PAX6: variants seen among roughly 807,000 people sequenced by gnomAD.
PAX6 encodes the protein paired box 6.
A neutral mutation model predicts 60.7 loss-of-function variants in PAX6; 7 were observed. The ratio of observed to expected loss-of-function variants is 0.12; its 90% CI spans 0.07 to 0.22. PAX6 has a LOEUF of 0.22. PAX6 is among the 10% of genes least tolerant of loss of function. The pLI, the probability that PAX6 is intolerant of heterozygous loss-of-function variation, is 1.00. For missense variants in PAX6, 355 were observed against 555.2 expected, an observed-to-expected ratio of 0.64 and a Z score of 3.62; for synonymous variants, 208 against 201.2, an observed-to-expected ratio of 1.03 and a Z score of -0.29.
chr11:31,800,779 T>C lies in PAX6; in HGVS notation c.477A>G (p.Lys159=). Residue 159 remains lysine (K), a synonymous_variant, in exon 8 of 14, where the codon AAA becomes AAG. Coordinates refer to ENST00000640368, the MANE Select transcript of PAX6 (RefSeq NM_001368894.2). ...QQMGADGMYD[K]LRMLNGQTGS... ...CGGTCTGCCCGTTCAACATCCTTAG[T>C]TTATCATACATGCCGTCTGCGCCCA... 6.2e-7 allele frequency: 1 copy of C among 1,614,210 alleles called. No homozygotes were observed. The highest frequency in any genetic ancestry group is 8.5e-7 in the Non-Finnish European group (1 of 1,180,046).
chr11:31,798,914 G>T (rs1182281780), intron 8 of PAX6, among the ~76,000 whole-genome samples: 1 of 152,178 alleles, frequency 6.6e-6, no homozygotes, highest in African/African-American at 2.4e-5. Flanking sequence ...TGTATCCTGC[G>T]CCCCAAGCTC....
chr11:31,801,962 GC>G (rs777613082), intron 5 of PAX6, 50 bp from the exon 6 acceptor site: 1 of 1,468,070 alleles, frequency 6.8e-7, no homozygotes, highest in Non-Finnish European at 9.5e-7. Flanking sequence ...ACTGTAGAGA[GC>G]TTTTTTTCTT....
intron 1 of PAX6, among the ~76,000 whole-genome samples, chr11:31,816,924 C>T (rs1371708526): frequency 6.6e-6 from 1 of 152,236 alleles, no homozygotes; most frequent in African/African-American, 2.4e-5. Flanking sequence ...CTTTTAGGGC[C>T]GGGCTCCCAG....
intron 8 of PAX6, 78 bp downstream of exon 8, chr11:31,800,613 G>A (rs1482344903): frequency 6.5e-7 from 1 of 1,532,754 alleles, no homozygotes; most frequent in Non-Finnish European, 9.0e-7. Flanking sequence ...AGCCCTGAGA[G>A]GAAATGGTTG....
intron 7 of PAX6, chr11:31,801,284 T>C: frequency 7.1e-7 from 1 of 1,400,716 alleles, no homozygotes; most frequent in South Asian, 1.5e-5. Flanking sequence ...TGGTTCTCAT[T>C]TTCCTTCTTC....
chr11:31,813,252 GGGCCGC>G (rs1210380677), upstream of PAX6: 1 of 152,044 alleles, frequency 6.6e-6, no homozygotes, highest in Non-Finnish European at 1.5e-5. Flanking sequence ...CCGGCAAGTG[GGGCCGC>G]GGCCCTGAGT....
At chr11:31,816,431 A>C in intron 1 of PAX6, 1 of 655,028 alleles carries the variant, frequency 1.5e-6, no homozygotes, top group Non-Finnish European at 2.8e-6. Flanking sequence ...GACTCTGGTC[A>C]GAGGTAATTA....
chr11:31,802,671 G>A (rs764778030), intron 5 of PAX6, 33 bp downstream of exon 5: 7 of 1,600,752 alleles, frequency 4.4e-6, no homozygotes, highest in Middle Eastern at 1.7e-4. Flanking sequence ...AGGGCCGCGG[G>A]GGCGGCGAGT....
At chr11:31,806,199 T>G in intron 4 of PAX6, 1 of 537,802 alleles carries the variant, frequency 1.9e-6, no homozygotes, top group Non-Finnish European at 3.2e-6. Flanking sequence ...AGCCCCTGCT[T>G]CTCCAGTATC....
rs745586644 is a variant in PAX6, at chr11:31,794,157, C to T, written c.725-43G>A. The T allele has an allele frequency of 1.2e-5, 16 of 1,320,114 alleles. 1 individual carries two copies. The highest frequency in any genetic ancestry group is 1.6e-5 in the Non-Finnish European group (15 of 911,656). 81.8% of individuals were successfully genotyped at this position (1,320,114 alleles called of 1,614,324 possible). ...TTTTCCATATTGTGCCAGAACTACA[C>T]AAAATATGTTGACCAAACTGTGCAT... is the stretch of plus-strand genomic sequence containing the variant. On this transcript the variant is annotated intron_variant, in intron 9 of 13. Transcript: ENST00000640368.
At chr11:31,802,575 G>A (rs1397918684) in intron 5 of PAX6, 129 bp downstream of exon 5, 27 of 894,918 alleles carry the variant, frequency 3.0e-5, no homozygotes, top group Middle Eastern at 3.5e-4. Flanking sequence ...TGGGTGGGGG[G>A]ACTGGGGACT....
rs1456447025 is a variant in PAX6, at chr11:31,790,773, G to A, written c.1162C>T (p.Pro388Ser). 1 of 1,614,128 alleles carries A rather than the reference G, an allele frequency of 6.2e-7. No individual in the cohort carries two copies. The highest frequency in any genetic ancestry group is 1.7e-5 in the Admixed American group (1 of 60,014). The change falls in exon 13 of 14, where the codon CCC (proline) becomes TCC (serine). Residue 388 changes from proline to serine, a missense_variant. Coordinates refer to ENST00000640368, the MANE Select transcript of PAX6 (RefSeq NM_001368894.2). ...VNGRSYDTYT[P>S]PHMQTHMNSQ... is the part of the protein sequence containing the mutation. ...TTCATGTGTGTCTGCATATGTGGGG[G>A]GGTGTAGGTATCATAACTCCGCCCA...
chr11:31,797,684 A>G (rs541293481), intron 8 of PAX6, among the ~76,000 whole-genome samples: 59 of 152,304 alleles, frequency 3.9e-4, no homozygotes, highest in African/African-American at 1.4e-3. Context: ...CTGCTCTTAC[A>G]TAAAATGGGT....
At chr11:31,790,638 G>A in intron 13 of PAX6, 72 bp downstream of exon 13, 1 of 1,602,942 alleles carries the variant, frequency 6.2e-7, no homozygotes, top group Non-Finnish European at 8.5e-7. Context: ...ATAAGACCAG[G>A]AGATTCTGTT....
intron 10 of PAX6, 107 bp from the exon 11 acceptor site, chr11:31,793,909 C>T: frequency 2.2e-6 from 3 of 1,374,036 alleles, no homozygotes; most frequent in Non-Finnish European, 1.0e-6. Flanking sequence ...GAGCATTTAG[C>T]AGACTGAACC....
intron 1 of PAX6, chr11:31,816,685 A>G (rs1367790218): frequency 1.6e-6 from 1 of 643,396 alleles, no homozygotes; most frequent in Admixed American, 2.3e-5. Context: ...CCCCGTTTCC[A>G]GGTGAGGTGA....
intron 1 of PAX6, chr11:31,816,558 C>T (rs1246846801): frequency 8.5e-6 from 6 of 702,644 alleles, no homozygotes. Context: ...GGAGAAGGTC[C>T]ACTTCCCACT....
chr11:31,789,576 T>TAA lies in PAX6; in HGVS notation c.*357_*358insTT. ...AAGCTTGTTGATCATGGTTTTCTTT[T>TAA]TAAAAAAAAAAAAAACAACTTCATG... On this transcript the variant is annotated 3_prime_UTR_variant, in exon 14 of 14. Transcript: ENST00000640368. 1.6e-6 allele frequency: 1 copy of TAA among 606,450 alleles called. No individual in the cohort carries two copies. Among genetic ancestry groups the TAA allele is most frequent in the Admixed American group, 3.1e-5 (1 of 32,678 alleles). The allele number at this position is 606,450 out of a possible 1,614,324, so 37.6% of individuals were successfully genotyped here.
intron 12 of PAX6, 181 bp from the exon 13 acceptor site, chr11:31,791,041 C>A: frequency 1.4e-6 from 1 of 732,642 alleles, no homozygotes; most frequent in Non-Finnish European, 2.4e-6. Context: ...CTTCCACTGG[C>A]CACAGCTAGA....
Sources: allele counts gnomAD v4.1 joint callset (sites outside exome capture counted in the v4.1 genomes callset), GRCh38; gene constraint gnomAD v4.1.1; transcripts MANE v1.5; gene names NCBI Gene and HGNC (gene_info 2026-07-23, HGNC 2026-07-21).